The following PCDHA9 variants were observed in gnomAD, a reference collection of about 807,000 sequenced individuals.
The protein encoded by PCDHA9 is protocadherin alpha 9.
PCDHA9 carries 62 observed loss-of-function variants against 62.0 expected under a neutral mutation model. The observed-to-expected ratio is 1.00, with a 90% CI of 0.81 to 1.23. PCDHA9 has a LOEUF of 1.23. PCDHA9 is among the 50% of genes most tolerant of loss of function. The probability of loss-of-function intolerance (pLI) is 0.00; values close to 1 mark genes in which losing one functional copy is unlikely to be tolerated. For missense variants in PCDHA9, 1,205 were observed against 1,249.8 expected (o/e 0.96, Z 0.54); for synonymous variants, 557 against 567.6 (o/e 0.98, Z 0.27).
intron 1 of PCDHA9, among the ~76,000 whole-genome samples, chr5:140,908,772 A>G (rs2074146123): frequency 6.6e-6 from 1 of 152,144 alleles, no homozygotes; most frequent in East Asian, 1.9e-4. Flanking sequence ...CGTGTTGTAG[A>G]GTCTTCTCCT....
At chr5:140,958,069 A>C (rs2095407625) in intron 1 of PCDHA9, among the ~76,000 whole-genome samples, 1 of 152,104 alleles carries the variant, frequency 6.6e-6, no homozygotes. Flanking sequence ...AAAAACACAG[A>C]AGCAAAAAGT....
intron 1 of PCDHA9, chr5:140,868,232 C>T (rs1176693366): frequency 6.6e-6 from 1 of 152,032 alleles, no homozygotes; most frequent in Non-Finnish European, 1.5e-5. Flanking sequence ...AAAAACTCAT[C>T]TAGATCAATA....
At position 141,011,042 on chromosome 5, in the gene PCDHA9, T is replaced by G. The variant is rs915588789; in HGVS notation, c.*1105T>G. 6.5e-6 allele frequency: 1 copy of G among 153,796 alleles called. No individual in the cohort carries two copies. The highest frequency in any genetic ancestry group is 2.4e-5 in the African/African-American group (1 of 41,464). The allele number at this position is 153,796 out of a possible 1,614,324, so 9.5% of individuals were successfully genotyped here. A position where few individuals can be genotyped will look rare whatever the true frequency, so the allele number is the denominator to read the frequency against. On this transcript the variant is annotated 3_prime_UTR_variant, in exon 4 of 4. Transcript: ENST00000532602. ...TCACAGCTTTACTCTTTCAGGTCACTCTGGGGCTGCCTCTTGCATGTATTA... is the reference window on the plus strand; with the variant it reads ...TCACAGCTTTACTCTTTCAGGTCACGCTGGGGCTGCCTCTTGCATGTATTA...
Position 140,927,005 on chromosome 5 carries a change from A to G in PCDHA9, c.2395-51944A>G, listed in dbSNP as rs1554203909. On this transcript the variant is annotated intron_variant, in intron 1 of 3. Coordinates refer to ENST00000532602, the MANE Select transcript of PCDHA9 (RefSeq NM_031857.2). ...ACGGAGCGGGGCGTAGCCGTAGGCA[A>G]TCTCTCCGCGGACTTGAGGCTGCCA... 6 of 1,612,394 alleles carry G rather than the reference A, an allele frequency of 3.7e-6. No homozygotes were observed. The South Asian group carries it at 4.4e-5, about 12-fold the overall frequency.
chr5:140,896,192 C>G (rs369443676), intron 1 of PCDHA9, among the ~76,000 whole-genome samples: 1 of 152,162 alleles, frequency 6.6e-6, no homozygotes, highest in African/African-American at 2.4e-5. Context: ...TGAATAGTGC[C>G]ATGATGAACA....
rs139745274 is a variant in PCDHA9, at chr5:140,994,788, C to T, written c.2542+12225C>T. On this transcript the variant is annotated intron_variant, in intron 3 of 3. Coordinates refer to ENST00000532602, the MANE Select transcript of PCDHA9 (RefSeq NM_031857.2). ...AGAATTCCAGGCAAAGGAAACAATG[C>T]GTGCATGCAAAAACAAAATACAAAA... Among the ~76,000 whole-genome samples, 132 of 152,194 alleles carry T rather than the reference C, an allele frequency of 8.7e-4. 2 individuals carry two copies. The East Asian group carries it at 0.024, about 28-fold the overall frequency.
chr5:140,856,318 C>G (rs200204071), intron 1 of PCDHA9: 2 of 1,598,576 alleles, frequency 1.3e-6, no homozygotes, highest in East Asian at 4.5e-5. Context: ...CTCGGATTGA[C>G]CGCGAGGAGC....
intron 3 of PCDHA9, among the ~76,000 whole-genome samples, chr5:141,005,828 T>A (rs752447584): frequency 6.7e-6 from 1 of 149,690 alleles, no homozygotes; most frequent in African/African-American, 2.5e-5. Context: ...TGGCCTGTAG[T>A]CCCAGCCACT....
chr5:140,999,363 A>G (rs772527438), intron 3 of PCDHA9, among the ~76,000 whole-genome samples: 1 of 152,198 alleles, frequency 6.6e-6, no homozygotes, highest in Non-Finnish European at 1.5e-5. Flanking sequence ...AATGTTCACA[A>G]TCCCATTAGA....
At chr5:140,962,414 C>T (rs2095681226) in intron 1 of PCDHA9, among the ~76,000 whole-genome samples, 1 of 152,166 alleles carries the variant, frequency 6.6e-6, no homozygotes, top group African/African-American at 2.4e-5. Context: ...CCTGTCTCTC[C>T]CTTTTTATTG....
intron 1 of PCDHA9, among the ~76,000 whole-genome samples, chr5:140,888,673 A>G (rs571585641): frequency 6.6e-6 from 1 of 152,180 alleles, no homozygotes; most frequent in Non-Finnish European, 1.5e-5. Context: ...TGCCCTGTGC[A>G]TTAAGAGGTC....
chr5:140,868,892 A>C (rs1450985948), intron 1 of PCDHA9: 8 of 760,982 alleles, frequency 1.1e-5, no homozygotes, highest in Non-Finnish European at 1.6e-5. Context: ...TTTTAGGCGC[A>C]AGGTGTCGCT....
chr5:140,884,230 C>T, intron 1 of PCDHA9: 8 of 1,613,384 alleles, frequency 5.0e-6, no homozygotes, highest in Non-Finnish European at 6.8e-6. Flanking sequence ...TGAAGGACCA[C>T]GGTGAGCCCG....
At position 140,877,299 on chromosome 5, in the gene PCDHA9, C is replaced by A. The variant is rs374061607; in HGVS notation, c.2394+26410C>A. 1,401 of 1,613,926 alleles carry A rather than the reference C, an allele frequency of 8.7e-4. 20 individuals carry two copies. The South Asian group carries it at 0.013, about 15-fold the overall frequency. On this transcript the variant is annotated intron_variant, in intron 1 of 3. Transcript: ENST00000532602. ...CCGGCTATAACGCTTGGCTGTCCTA[C>A]GAGTTGCAACCGGCGGCGGTCGGCG...
At chr5:140,971,692 C>G (rs2096492766) in intron 1 of PCDHA9, among the ~76,000 whole-genome samples, 1 of 152,116 alleles carries the variant, frequency 6.6e-6, no homozygotes, top group South Asian at 2.1e-4. Context: ...TTTGTACTCA[C>G]TAACCACCCT....
chr5:140,876,878 C>T (rs1305242755), intron 1 of PCDHA9: 1 of 1,614,118 alleles, frequency 6.2e-7, no homozygotes, highest in Admixed American at 1.7e-5. Context: ...GAGAACAACC[C>T]GCCGGGCTGC....
chr5:140,876,079 G>C, intron 1 of PCDHA9: 1 of 1,613,940 alleles, frequency 6.2e-7, no homozygotes, highest in Non-Finnish European at 8.5e-7. Flanking sequence ...ATTGGACAGA[G>C]AGCAAACGCC....
intron 1 of PCDHA9, among the ~76,000 whole-genome samples, chr5:140,931,932 T>C (rs1163129550): frequency 6.6e-6 from 1 of 151,986 alleles, no homozygotes; most frequent in South Asian, 2.1e-4. Context: ...ATGATTATAA[T>C]GTGTGTCTGA....
rs781789539 is a variant in PCDHA9 at position 140,856,760 on chromosome 5, G to C, written c.2394+5871G>C. 3.8e-6 allele frequency: 6 copies of C among 1,596,522 alleles called. 2 individuals are homozygous for C. Among genetic ancestry groups the C allele is most frequent in the Non-Finnish European group, 5.1e-6 (6 of 1,166,548 alleles). On this transcript the variant is annotated intron_variant, in intron 1 of 3. Transcript: ENST00000532602. ...CCTGGTGTTAGATGCCAATGATAAC[G>C]CCCCTATCTTTGACAGACCGGTTTA...
Sources: gnomAD v4.1 joint callset for allele counts (sites outside exome capture counted in the v4.1 genomes callset) on GRCh38, gnomAD v4.1.1 for gene constraint, MANE v1.5 for transcripts, NCBI Gene and HGNC (gene_info 2026-07-23, HGNC 2026-07-21) for gene names.